ASB3: variants seen among roughly 807,000 people sequenced by gnomAD.
ASB3 encodes the protein ankyrin repeat and SOCS box protein 3.
In ASB3, 41 loss-of-function variants were observed where a neutral mutation model predicts 54.5. The observed-to-expected ratio is 0.75, with a 90% confidence interval of 0.59 to 0.98. ASB3 has a LOEUF of 0.98. ASB3 is among the 50% of genes least tolerant of loss of function. The pLI, the probability that ASB3 is intolerant of heterozygous loss-of-function variation, is 0.00. For missense variants in ASB3, 733 were observed against 620.0 expected (o/e 1.18, Z -1.94); for synonymous variants, 266 against 221.2 (o/e 1.20, Z -1.80).
intron 7 of ASB3, among the ~76,000 whole-genome samples, chr2:53,706,566 C>T (rs1423940871): frequency 6.6e-6 from 1 of 152,064 alleles, no homozygotes; most frequent in Non-Finnish European, 1.5e-5. Context: ...CCGCTTCAGC[C>T]TCCTGAGTAG....
At chr2:53,681,861 T>A (rs1002637052) in intron 9 of ASB3, among the ~76,000 whole-genome samples, 3 of 152,144 alleles carry the variant, frequency 2.0e-5, no homozygotes, top group Non-Finnish European at 4.4e-5. Context: ...TGGGTCCATA[T>A]AAATTTTAGG....
At chr2:53,710,145 C>T (rs575033662) in intron 7 of ASB3, among the ~76,000 whole-genome samples, 2 of 152,330 alleles carry the variant, frequency 1.3e-5, no homozygotes, top group South Asian at 4.1e-4. Flanking sequence ...ACTCCTGAAT[C>T]TCTAACCAAC....
In ASB3 at chr2:53,716,712, T is replaced by A; in HGVS notation, c.636A>T (p.Lys212Asn). Residue 212 changes from lysine to asparagine, a missense_variant, in exon 6 of 10, where the codon AAA (lysine) becomes AAT (asparagine). Coordinates refer to ENST00000263634, the MANE Select transcript of ASB3 (RefSeq NM_016115.5). ...GAGCAGCAATGAACAAGGGTGTAGC[T>A]TTGTCCAAGGCTTGACAATTGACAT... ...GANVNCQALD[K>N]ATPLFIAAQE... The A allele has an allele frequency of 6.2e-7, 1 of 1,613,950 alleles. No individual in the cohort carries two copies. The highest frequency in any genetic ancestry group is 8.5e-7 in the Non-Finnish European group (1 of 1,179,882).
At chr2:53,706,800 A>C (rs1669798384) in intron 7 of ASB3, among the ~76,000 whole-genome samples, 1 of 152,186 alleles carries the variant, frequency 6.6e-6, no homozygotes, top group Admixed American at 6.5e-5. Flanking sequence ...CCTGATTCTT[A>C]TGCCCAATAC....
chr2:53,783,137 G>C (rs568869097), intron 1 of ASB3, among the ~76,000 whole-genome samples: 1 of 152,082 alleles, frequency 6.6e-6, no homozygotes, highest in East Asian at 1.9e-4. Context: ...CAACTGACCT[G>C]AAAGAAGCAG....
intron 6 of ASB3, among the ~76,000 whole-genome samples, chr2:53,715,884 G>T (rs1423123178): frequency 6.6e-6 from 1 of 151,976 alleles, no homozygotes. Context: ...ACTAATAGCA[G>T]CTATAAAAAG....
At chr2:53,707,268 G>A (rs1161305823) in intron 7 of ASB3, among the ~76,000 whole-genome samples, 3 of 152,276 alleles carry the variant, frequency 2.0e-5, no homozygotes, top group East Asian at 1.9e-4. Flanking sequence ...ACCAATTTGG[G>A]CAGCACAGCT....
chr2:53,723,821 T>C (rs1292426413), intron 5 of ASB3, among the ~76,000 whole-genome samples: 2 of 151,994 alleles, frequency 1.3e-5, no homozygotes, highest in South Asian at 2.1e-4. Context: ...TTGACAAAAA[T>C]AAGCAATGAG....
At chr2:53,781,770 C>T (rs935479072) in intron 1 of ASB3, among the ~76,000 whole-genome samples, 1 of 152,234 alleles carries the variant, frequency 6.6e-6, no homozygotes. Flanking sequence ...GCTGGGATTA[C>T]AGGCGTGAGC....
At chr2:53,729,924 T>C (rs1418262672) in intron 3 of ASB3, among the ~76,000 whole-genome samples, 33 of 152,104 alleles carry the variant, frequency 2.2e-4, no homozygotes, top group Non-Finnish European at 3.4e-4. Flanking sequence ...GGAAAAGCAA[T>C]CTCAAAAGGA....
chr2:53,710,722 C>T lies in ASB3; in HGVS notation c.980+3662G>A, dbSNP rs184481073. Among the ~76,000 whole-genome samples the T allele has an allele frequency of 7.3e-4, 111 of 152,322 alleles. No individual in the cohort carries two copies. The Middle Eastern group carries it at 0.01, about 14-fold the overall frequency. On this transcript the variant is annotated intron_variant, in intron 7 of 9. Transcript: ENST00000263634. ...GTTTTACCTTATACAGTGGTTCCAA[C>T]GTCAGCTCAGTTCTCAAAAGCCTTG... is the stretch of plus-strand genomic sequence containing the variant.
chr2:53,671,353 C>CGTGTGTGTGTGTGTGTGTGT (rs142473697), intron 9 of ASB3, among the ~76,000 whole-genome samples: 6 of 142,512 alleles, frequency 4.2e-5, no homozygotes, highest in African/African-American at 1.3e-4. Flanking sequence ...GAACCCAAAG[C>CGTGTGTGTGTGTGTGTGTGT]GTGTGTGTGT....
chr2:53,696,316 A>C (rs1669178972), intron 8 of ASB3, among the ~76,000 whole-genome samples: 1 of 152,202 alleles, frequency 6.6e-6, no homozygotes, highest in Non-Finnish European at 1.5e-5. Context: ...TCTATTTCAC[A>C]TATCCGATAA....
intron 7 of ASB3, among the ~76,000 whole-genome samples, chr2:53,708,806 G>A (rs1229812514): frequency 6.6e-6 from 1 of 152,206 alleles, no homozygotes; most frequent in Non-Finnish European, 1.5e-5. Context: ...ACTTGAGAGT[G>A]ATGATTTAGG....
chr2:53,697,641 G>A (rs1669257200), intron 8 of ASB3, among the ~76,000 whole-genome samples: 1 of 152,154 alleles, frequency 6.6e-6, no homozygotes, highest in African/African-American at 2.4e-5. Context: ...AAAATTCAAT[G>A]GTGGGACAGG....
intron 9 of ASB3, among the ~76,000 whole-genome samples, chr2:53,672,774 AC>A (rs1667883627): frequency 6.6e-6 from 1 of 152,216 alleles, no homozygotes; most frequent in South Asian, 2.1e-4. Context: ...CATGTATGAA[AC>A]AAGGTGAGTG....
At position 53,683,271 on chromosome 2, in the gene ASB3, T is replaced by C. The variant is rs533249308; in HGVS notation, c.1369+10613A>G. ...TGTTGATATAACGTACCACACTGAT[T>C]GATCTGCATATGTTGAACCACGCTT... On this transcript the variant is annotated intron_variant, in intron 9 of 9. Transcript: ENST00000263634. 3.2e-4 allele frequency among the ~76,000 whole-genome samples: 49 copies of C among 152,372 alleles called. 1 individual carries two copies. Among genetic ancestry groups the C allele is most frequent in the Admixed American group, 2.9e-3 (45 of 15,312 alleles).
intron 9 of ASB3, among the ~76,000 whole-genome samples, chr2:53,691,464 TTG>T (rs1008381669): frequency 6.6e-6 from 1 of 152,126 alleles, no homozygotes; most frequent in African/African-American, 2.4e-5. Context: ...TTTAAATATA[TTG>T]ATAAGGCAGC....
chr2:53,785,975 A>T (rs1489638092), intron 1 of ASB3, among the ~76,000 whole-genome samples: 1 of 152,050 alleles, frequency 6.6e-6, no homozygotes, highest in Non-Finnish European at 1.5e-5. Flanking sequence ...CCTGATGTTA[A>T]AAAAAAATTT....
Sources: gnomAD v4.1 joint callset for allele counts (sites outside exome capture counted in the v4.1 genomes callset) on GRCh38, gnomAD v4.1.1 for gene constraint, MANE v1.5 for transcripts, NCBI Gene and HGNC (gene_info 2026-07-23, HGNC 2026-07-21) for gene names.